The following CNTN4 variants were observed in gnomAD, a reference collection of about 807,000 sequenced individuals.
The protein encoded by CNTN4 is contactin 4.
Under a neutral mutation model 122.5 loss-of-function variants are expected in CNTN4, and 77 were observed. The observed-to-expected ratio is 0.63, with a 90% CI of 0.52 to 0.76. The LOEUF is 0.76. Among genes scored for constraint, CNTN4 ranks in the 30% least tolerant of loss-of-function variants. CNTN4 has a pLI of 0.00. For synonymous variants in CNTN4, 512 were observed against 447.0 expected (o/e 1.15, Z -1.83); for missense variants, 1,256 against 1,259.1 (o/e 1.00, Z 0.04).
intron 4 of CNTN4, 181 bp from the exon 5 acceptor site, chr3:2,736,034 A>T (rs779928123): frequency 6.7e-6 from 5 of 743,594 alleles, no homozygotes; most frequent in South Asian, 1.4e-5. Context: ...TCACTTCATC[A>T]TAATCCACAG....
At chr3:2,802,256 C>G (rs986339903) in intron 6 of CNTN4, among the ~76,000 whole-genome samples, 1 of 152,142 alleles carries the variant, frequency 6.6e-6, no homozygotes, top group African/African-American at 2.4e-5. Flanking sequence ...CATTTGTGGA[C>G]TTGTGAAGAG....
intron 3 of CNTN4, among the ~76,000 whole-genome samples, chr3:2,342,775 A>G (rs984717373): frequency 1.3e-5 from 2 of 152,256 alleles, no homozygotes; most frequent in Non-Finnish European, 1.5e-5. Flanking sequence ...GTGTGAGTCA[A>G]TTAAACCTCT....
chr3:2,136,057 G>A (rs1295235266), intron 2 of CNTN4, among the ~76,000 whole-genome samples: 2 of 152,178 alleles, frequency 1.3e-5, no homozygotes, highest in African/African-American at 2.4e-5. Context: ...TCTTATCTGG[G>A]TATGGGCTCA....
rs114622069 is a variant in CNTN4, at chr3:2,242,998, C to T, written c.-144-96180C>T. Among the ~76,000 whole-genome samples the T allele has an allele frequency of 6.9e-3, 1,054 of 152,222 alleles. 10 individuals are homozygous for T. The highest frequency in any genetic ancestry group is 0.024 in the African/African-American group (1,018 of 41,560). ...TTTCTTCTTAAAATATTTCAGCTGA[C>T]TTGCTTAGCCTGGTATGCAGAATCT... On this transcript the variant is annotated intron_variant, in intron 2 of 24. Transcript: ENST00000418658.
chr3:2,664,152 G>A (rs180960477), intron 4 of CNTN4, among the ~76,000 whole-genome samples: 1 of 152,226 alleles, frequency 6.6e-6, no homozygotes, highest in East Asian at 1.9e-4. Context: ...TTTTAAATAG[G>A]TAAATTGCAT....
intron 4 of CNTN4, among the ~76,000 whole-genome samples, chr3:2,620,630 C>T (rs909587109): frequency 4.6e-5 from 7 of 152,044 alleles, no homozygotes; most frequent in African/African-American, 1.4e-4. Flanking sequence ...TAAATATTGC[C>T]ACAGGTTGAG....
chr3:2,611,549 T>C (rs1193072397), intron 4 of CNTN4, among the ~76,000 whole-genome samples: 1 of 152,016 alleles, frequency 6.6e-6, no homozygotes, highest in Non-Finnish European at 1.5e-5. Flanking sequence ...CTTTGTAAGG[T>C]CCAAAAATAA....
At chr3:2,171,271 G>A (rs2036495252) in intron 2 of CNTN4, among the ~76,000 whole-genome samples, 1 of 152,120 alleles carries the variant, frequency 6.6e-6, no homozygotes, top group East Asian at 1.9e-4. Flanking sequence ...ATAATGATAA[G>A]GTGGGTCTAC....
At chr3:2,153,474 T>C (rs759848163) in intron 2 of CNTN4, among the ~76,000 whole-genome samples, 35 of 152,192 alleles carry the variant, frequency 2.3e-4, no homozygotes, top group Non-Finnish European at 4.9e-4. Context: ...AATACAGTTT[T>C]ATGGGAGTGT....
At chr3:2,698,958 G>A (rs1431227399) in intron 4 of CNTN4, among the ~76,000 whole-genome samples, 1 of 152,076 alleles carries the variant, frequency 6.6e-6, no homozygotes, top group Non-Finnish European at 1.5e-5. Flanking sequence ...GGGAGGTGGA[G>A]GTTGCAGTGA....
chr3:2,691,427 AG>A (rs1192232853), intron 4 of CNTN4, among the ~76,000 whole-genome samples: 7 of 152,116 alleles, frequency 4.6e-5, no homozygotes, highest in African/African-American at 1.4e-4. Context: ...GGGAAAGAAG[AG>A]GAAAAAGATT....
At chr3:2,372,674 G>A (rs771515157) in intron 3 of CNTN4, among the ~76,000 whole-genome samples, 3 of 152,170 alleles carry the variant, frequency 2.0e-5, no homozygotes, top group Non-Finnish European at 4.4e-5. Context: ...TCTAGAAAAG[G>A]AAAAGAGGAA....
chr3:2,252,802 A>T (rs2040427388), intron 2 of CNTN4, among the ~76,000 whole-genome samples: 1 of 152,098 alleles, frequency 6.6e-6, no homozygotes, highest in African/African-American at 2.4e-5. Context: ...TTCTTTCTGA[A>T]ATCATCAATA....
intron 16 of CNTN4, among the ~76,000 whole-genome samples, chr3:3,033,355 G>A (rs571833207): frequency 1.3e-5 from 2 of 152,186 alleles, no homozygotes; most frequent in Non-Finnish European, 2.9e-5. Context: ...GTGGGAGGGA[G>A]AAGATAAATT....
chr3:2,840,576 G>A (rs1489469356), intron 7 of CNTN4, among the ~76,000 whole-genome samples: 1 of 71,754 alleles, frequency 1.4e-5, no homozygotes, highest in Non-Finnish European at 3.5e-5. Flanking sequence ...ATGGGCGCCT[G>A]TAGTCCCAGC....
At chr3:2,631,916 G>C (rs1389201482) in intron 4 of CNTN4, among the ~76,000 whole-genome samples, 1 of 150,772 alleles carries the variant, frequency 6.6e-6, no homozygotes, top group African/African-American at 2.4e-5. Flanking sequence ...GCTGGACATG[G>C]TGGCGTGCAC....
At chr3:2,755,164 C>G (rs1183783742) in intron 6 of CNTN4, among the ~76,000 whole-genome samples, 2 of 152,128 alleles carry the variant, frequency 1.3e-5, no homozygotes, top group Non-Finnish European at 2.9e-5. Context: ...CTAGCTTATC[C>G]TTCATAGCCA....
At chr3:2,537,448 A>G (rs2077855500) in intron 3 of CNTN4, among the ~76,000 whole-genome samples, 1 of 152,018 alleles carries the variant, frequency 6.6e-6, no homozygotes, top group African/African-American at 2.4e-5. Context: ...AGGATACTTT[A>G]TGTTGTCTTT....
chr3:2,293,058 G>A (rs149037057), intron 2 of CNTN4, among the ~76,000 whole-genome samples: 4 of 152,304 alleles, frequency 2.6e-5, no homozygotes, highest in South Asian at 2.1e-4. Flanking sequence ...ACTAACATGC[G>A]TATTGTTATT....
Sources: gnomAD v4.1 joint callset for allele counts (sites outside exome capture counted in the v4.1 genomes callset) on GRCh38, gnomAD v4.1.1 for gene constraint, MANE v1.5 for transcripts, NCBI Gene and HGNC (gene_info 2026-07-23, HGNC 2026-07-21) for gene names.